The following CAPN13 variants were observed in gnomAD, a reference collection of about 807,000 sequenced individuals.
The protein encoded by CAPN13 is calpain-13.
Under a neutral mutation model 98.4 loss-of-function variants are expected in CAPN13, and 90 were observed. The observed-to-expected ratio is 0.92, with a 90% confidence interval of 0.77 to 1.09. CAPN13 has a LOEUF of 1.09. Ranked by LOEUF, CAPN13 falls within the 50% of genes least tolerant of loss-of-function variation. The pLI, the probability that CAPN13 is intolerant of heterozygous loss-of-function variation, is 0.00. For synonymous variants in CAPN13, 330 were observed against 305.5 expected, an observed-to-expected ratio of 1.08 and a Z score of -0.84; for missense variants, 887 against 841.3, an observed-to-expected ratio of 1.05 and a Z score of -0.67.
chr2:30,736,429 C>T, intron 18 of CAPN13, 74 bp downstream of exon 18: 1 of 1,431,102 alleles, frequency 7.0e-7, no homozygotes, highest in Non-Finnish European at 9.9e-7. Context: ...AACCCTGGTG[C>T]AGGGTTAGAC....
At chr2:30,724,974 A>G (rs895196738) in intron 22 of CAPN13, among the ~76,000 whole-genome samples, 20 of 152,194 alleles carry the variant, frequency 1.3e-4, no homozygotes, top group Admixed American at 1.3e-4. Flanking sequence ...GCAGAATAGG[A>G]GAAGGTGGCC....
At chr2:30,801,604 T>TAAAAAAAAA (rs10609363) in intron 1 of CAPN13, among the ~76,000 whole-genome samples, 1 of 80,010 alleles carries the variant, frequency 1.2e-5, no homozygotes, top group Admixed American at 1.5e-4. Context: ...GACTCAGTCT[T>TAAAAAAAAA]AAAAAAAAAA....
At chr2:30,766,359 C>T (rs762676059) in intron 5 of CAPN13, among the ~76,000 whole-genome samples, 5 of 152,240 alleles carry the variant, frequency 3.3e-5, no homozygotes, top group Admixed American at 6.5e-5. Flanking sequence ...CTGCCACTCA[C>T]GGCTAGAGCC....
chr2:30,794,000 G>C (rs1674728948), intron 1 of CAPN13, among the ~76,000 whole-genome samples: 1 of 151,596 alleles, frequency 6.6e-6, no homozygotes, highest in Admixed American at 6.6e-5. Flanking sequence ...TTGCAAACTT[G>C]GGGTAGGTAA....
intron 19 of CAPN13, 61 bp from the exon 20 acceptor site, chr2:30,732,627 C>T (rs989151226): frequency 2.8e-5 from 44 of 1,555,904 alleles, no homozygotes; most frequent in Non-Finnish European, 3.6e-5. Flanking sequence ...TCCTCTGCCT[C>T]TCAGGGTCTG....
Position 30,734,468 on chromosome 2 carries a change from C to T in CAPN13, c.1779G>A (p.Trp593Ter), listed in dbSNP as rs773790910. ...SPGVLLSSDL[W>*]KAIENTDFLR... ...TTGTACCTGTATTCTCTATGGCCTT[C>T]CACAAGTCCGAGCTCAGGAGGACTC... is the stretch of plus-strand genomic sequence containing the variant. Residue 593 changes from tryptophan to a stop codon, truncating the protein, a stop_gained, in exon 19 of 23, where the codon TGG (tryptophan) becomes TGA (stop). Transcript: ENST00000295055. LOFTEE classifies it high-confidence loss of function. 6.2e-7 allele frequency: 1 copy of T among 1,613,916 alleles called. No homozygotes were observed. The highest frequency in any genetic ancestry group is 8.5e-7 in the Non-Finnish European group (1 of 1,179,838).
At chr2:30,741,524 A>C (rs1270608245) in intron 15 of CAPN13, 1 of 1,056,658 alleles carries the variant, frequency 9.5e-7, no homozygotes, top group African/African-American at 1.7e-5. Context: ...GTGCTTTCTG[A>C]AGCTGGCTAG....
chr2:30,769,859 C>T (rs1259748546), intron 5 of CAPN13, among the ~76,000 whole-genome samples: 1 of 152,090 alleles, frequency 6.6e-6, no homozygotes, highest in African/African-American at 2.4e-5. Flanking sequence ...ATTTGAATCA[C>T]TCCCATTTTT....
chr2:30,771,762 T>C (rs1294401064), intron 4 of CAPN13, among the ~76,000 whole-genome samples: 1 of 152,240 alleles, frequency 6.6e-6, no homozygotes, highest in East Asian at 1.9e-4. Context: ...TGGTCTTGCC[T>C]CTTATTACTT....
rs138041365 is a variant in CAPN13 at position 30,765,993 on chromosome 2, G to A, written c.525-1687C>T. Among the ~76,000 whole-genome samples the A allele has an allele frequency of 9.7e-4, 148 of 152,214 alleles. 1 individual carries two copies. Among genetic ancestry groups the A allele is most frequent in the African/African-American group, 2.0e-3 (85 of 41,540 alleles). The stretch of plus-strand genomic sequence containing the variant: ...GCCTTCTTTGGTGGTGAGCGTGCCC[G>A]GTTGGGGCTGAGCTCTGGACTCCCT... On this transcript the variant is annotated intron_variant, in intron 5 of 22. Coordinates refer to ENST00000295055, the MANE Select transcript of CAPN13 (RefSeq NM_144575.3).
At chr2:30,741,733 A>C (rs1572798179) in intron 15 of CAPN13, 175 bp downstream of exon 15, 5 of 1,460,550 alleles carry the variant, frequency 3.4e-6, no homozygotes, top group Admixed American at 2.3e-5. Context: ...CCACGTCTCT[A>C]CCGAGCTTGG....
chr2:30,787,461 G>T, intron 1 of CAPN13, 104 bp from the exon 2 acceptor site: 1 of 817,968 alleles, frequency 1.2e-6, no homozygotes, highest in Middle Eastern at 3.4e-4. Flanking sequence ...CCTTTACAGG[G>T]ACTGAGACTA....
chr2:30,767,921 G>A (rs1220871607), intron 5 of CAPN13, among the ~76,000 whole-genome samples: 1 of 152,116 alleles, frequency 6.6e-6, no homozygotes, highest in Non-Finnish European at 1.5e-5. Flanking sequence ...TAAAGACCTG[G>A]CAGGCCCAGC....
At chr2:30,734,596 G>A in intron 18 of CAPN13, 72 bp from the exon 19 acceptor site, 2 of 1,258,058 alleles carry the variant, frequency 1.6e-6, no homozygotes, top group African/African-American at 1.5e-5. Flanking sequence ...TCCATCCTGG[G>A]AGCTTGCTTC....
rs1671671751 is a variant in CAPN13, at chr2:30,741,795, CCAT to C, written c.1536+110_1536+112del. The C allele has an allele frequency of 7.0e-6, 11 of 1,560,534 alleles. No individual in the cohort carries two copies. The East Asian group carries it at 2.6e-4, about 37-fold the overall frequency. On this transcript the variant is annotated intron_variant, in intron 15 of 22. Transcript: ENST00000295055. ...CAGGAAGAGAGGCAGGTAAAATAGT[CCAT>C]CAAGTCACTTCTCCTCTCTGCATCC... is the stretch of plus-strand genomic sequence containing the variant.
chr2:30,739,021 C>A (rs1671523987), intron 15 of CAPN13, among the ~76,000 whole-genome samples: 1 of 152,130 alleles, frequency 6.6e-6, no homozygotes, highest in African/African-American at 2.4e-5. Flanking sequence ...AGGGAGACAT[C>A]ATGGTTTTCT....
chr2:30,801,832 A>G (rs1414954609), intron 1 of CAPN13, among the ~76,000 whole-genome samples: 1 of 152,032 alleles, frequency 6.6e-6, no homozygotes, highest in Non-Finnish European at 1.5e-5. Context: ...AGGGGAAGGG[A>G]TTCTCACGCC....
At chr2:30,754,774 T>C (rs545262526) in intron 8 of CAPN13, among the ~76,000 whole-genome samples, 3 of 152,214 alleles carry the variant, frequency 2.0e-5, no homozygotes, top group African/African-American at 7.2e-5. Context: ...TACACCCCTC[T>C]CAAAGCCAGG....
At chr2:30,729,074 A>G (rs1670966038) in intron 22 of CAPN13, among the ~76,000 whole-genome samples, 2 of 152,240 alleles carry the variant, frequency 1.3e-5, no homozygotes, top group South Asian at 4.1e-4. Context: ...GAGAGAATTC[A>G]TTCAATCAGG....
Sources: gnomAD v4.1 joint callset for allele counts (sites outside exome capture counted in the v4.1 genomes callset) on GRCh38, gnomAD v4.1.1 for gene constraint, MANE v1.5 for transcripts, NCBI Gene and HGNC (gene_info 2026-07-23, HGNC 2026-07-21) for gene names.